The following TASP1 variants were observed in gnomAD, a reference collection of about 807,000 sequenced individuals.
TASP1 encodes threonine aspartase 1.
TASP1 carries 16 observed loss-of-function variants against 56.6 expected under a neutral mutation model. That is an observed-to-expected ratio of 0.28 (90% CI 0.19 to 0.43). The LOEUF (loss-of-function observed/expected upper bound fraction) is 0.43. TASP1 is among the 20% of genes least tolerant of loss of function. The pLI is 1.00. For missense variants in TASP1, 393 were observed against 511.6 expected, an observed-to-expected ratio of 0.77 and a Z score of 2.24; for synonymous variants, 179 against 184.2, an observed-to-expected ratio of 0.97 and a Z score of 0.23.
At chr20:13,177,391 T>C in the TASP1 span, among the ~76,000 whole-genome samples, 1 of 152,254 alleles carries the variant, frequency 6.6e-6, no homozygotes, top group Middle Eastern at 3.4e-3. Context: ...TAGACATTTT[T>C]CAAAGAAACA....
At chr20:13,513,588 G>A (rs1396770232) in intron 10 of TASP1, among the ~76,000 whole-genome samples, 1 of 152,154 alleles carries the variant, frequency 6.6e-6, no homozygotes, top group African/African-American at 2.4e-5. Context: ...GTGCTAAGTT[G>A]TTTACATTGC....
the TASP1 span, among the ~76,000 whole-genome samples, chr20:13,281,264 T>C: frequency 1.3e-5 from 2 of 152,160 alleles, no homozygotes; most frequent in Admixed American, 1.3e-4. Context: ...CAGAGCAAAA[T>C]AGTGCCATGG....
the TASP1 span, among the ~76,000 whole-genome samples, chr20:13,129,180 G>A: frequency 2.0e-5 from 3 of 151,990 alleles, no homozygotes; most frequent in African/African-American, 7.3e-5. Context: ...TTTTGTATTT[G>A]TAGTCGAGAC....
the TASP1 span, among the ~76,000 whole-genome samples, chr20:13,209,975 A>T: frequency 6.6e-6 from 1 of 152,222 alleles, no homozygotes; most frequent in Non-Finnish European, 1.5e-5. Context: ...AGTACTCTGA[A>T]GGAAAGTTTC....
chr20:13,345,750 C>T, the TASP1 span, among the ~76,000 whole-genome samples: 2 of 152,008 alleles, frequency 1.3e-5, no homozygotes, highest in Admixed American at 6.5e-5. Flanking sequence ...CCCATCAGTT[C>T]CACTGATTCC....
chr20:13,355,952 C>A, the TASP1 span, among the ~76,000 whole-genome samples: 1 of 152,148 alleles, frequency 6.6e-6, no homozygotes, highest in Admixed American at 6.5e-5. Flanking sequence ...ATGTTGATAC[C>A]ATGTGCAAAC....
At chr20:13,588,315 GA>G (rs1449751987) in intron 4 of TASP1, among the ~76,000 whole-genome samples, 1 of 101,770 alleles carries the variant, frequency 9.8e-6, no homozygotes, top group African/African-American at 3.6e-5. Context: ...GGAAGAGAAA[GA>G]AAAGGAAGGA....
intron 10 of TASP1, among the ~76,000 whole-genome samples, chr20:13,502,924 C>T (rs886089820): frequency 7.2e-5 from 11 of 152,110 alleles, no homozygotes; most frequent in Non-Finnish European, 1.3e-4. Flanking sequence ...TATCGCCCCT[C>T]CCCCAAGGTG....
chr20:13,374,441 G>A, the TASP1 span, among the ~76,000 whole-genome samples: 5 of 151,334 alleles, frequency 3.3e-5, no homozygotes, highest in Non-Finnish European at 5.9e-5. Flanking sequence ...TCTGCCTCCC[G>A]GGGTTCACAC....
chr20:13,232,181 A>G, the TASP1 span, among the ~76,000 whole-genome samples: 1 of 152,180 alleles, frequency 6.6e-6, no homozygotes, highest in Non-Finnish European at 1.5e-5. Context: ...TTGAAGTGCA[A>G]TTGACAACTA....
At chr20:13,224,841 C>CTTTTTTTTTT in the TASP1 span, among the ~76,000 whole-genome samples, 4 of 107,256 alleles carry the variant, frequency 3.7e-5, no homozygotes, top group Non-Finnish European at 5.7e-5. Context: ...AGCTTTCTTT[C>CTTTTTTTTTT]TTTTTTTTTT....
At chr20:13,154,164 C>A in the TASP1 span, 1 of 1,612,998 alleles carries the variant, frequency 6.2e-7, no homozygotes, top group South Asian at 1.1e-5. Flanking sequence ...ATCTCATAAT[C>A]ACACCTAAAC....
intron 13 of TASP1, among the ~76,000 whole-genome samples, chr20:13,412,018 C>A (rs891935299): frequency 6.6e-6 from 1 of 152,216 alleles, no homozygotes; most frequent in Admixed American, 6.5e-5. Flanking sequence ...AGTTGTCTTG[C>A]GGCTCTCTTG....
At chr20:13,113,397 A>G in the TASP1 span, among the ~76,000 whole-genome samples, 176 of 152,188 alleles carry the variant, frequency 1.2e-3, no homozygotes, top group African/African-American at 4.0e-3. Flanking sequence ...ACCCCCACAT[A>G]CATCAGCACA....
At chr20:13,587,203 T>A in intron 5 of TASP1, 47 bp downstream of exon 5, 1 of 1,566,530 alleles carries the variant, frequency 6.4e-7, no homozygotes, top group Non-Finnish European at 8.6e-7. Flanking sequence ...CATGAAATGG[T>A]CACGTGCATG....
the TASP1 span, among the ~76,000 whole-genome samples, chr20:13,148,156 T>C: frequency 6.6e-6 from 1 of 152,334 alleles, no homozygotes; most frequent in Admixed American, 6.5e-5. Context: ...GTCCTAAACA[T>C]ATTTTTGGAA....
rs554096953 is a variant in TASP1 at position 13,589,348 on chromosome 20, G to A, written c.283-1978C>T. 5.9e-5 allele frequency among the ~76,000 whole-genome samples: 9 copies of A among 152,096 alleles called. No homozygotes were observed. In the East Asian group the frequency reaches 7.7e-4, roughly 13 times the overall value. The stretch of plus-strand genomic sequence containing the variant: ...GCTGGGATTACAGGCATGAGCCACC[G>A]CGCCTGGCCAGAAGGTATAGTCTTT... On this transcript the variant is annotated intron_variant, in intron 4 of 13. Transcript: ENST00000337743.
intron 4 of TASP1, 113 bp from the exon 5 acceptor site, chr20:13,587,483 T>C (rs1310468761): frequency 7.3e-6 from 6 of 816,960 alleles, no homozygotes; most frequent in Middle Eastern, 2.9e-4. Context: ...TTCCAACACA[T>C]AGTATGATGC....
chr20:13,489,521 T>TAA (rs148176387), intron 10 of TASP1, among the ~76,000 whole-genome samples: 1 of 148,788 alleles, frequency 6.7e-6, no homozygotes, highest in Admixed American at 6.7e-5. Flanking sequence ...TGGGAAAAAT[T>TAA]AAAAAAAAAG....
Sources: allele counts gnomAD v4.1 joint callset (sites outside exome capture counted in the v4.1 genomes callset), GRCh38; gene constraint gnomAD v4.1.1; transcripts MANE v1.5; gene names NCBI Gene and HGNC (gene_info 2026-07-23, HGNC 2026-07-21).